The following FHDC1 variants were observed in gnomAD, a reference collection of about 807,000 sequenced individuals.
FHDC1 encodes the protein FH2 domain-containing protein 1.
Under a neutral mutation model 52.6 loss-of-function variants are expected in FHDC1, and 25 were observed. The observed-to-expected ratio is 0.48, with a 90% confidence interval of 0.35 to 0.66. FHDC1 has a LOEUF of 0.66. Among genes scored for constraint, FHDC1 ranks in the 30% least tolerant of loss-of-function variants. The pLI is 0.01. For synonymous variants in FHDC1, 616 were observed against 581.5 expected (o/e 1.06, Z -0.85); for missense variants, 1,459 against 1,452.8 (o/e 1.00, Z -0.07).
At position 152,963,010 on chromosome 4, in the gene FHDC1, T is replaced by C. The variant is rs1164497155; in HGVS notation, c.922-13T>C. ...GTATACATAATTTTTTCTTTTTGAT[T>C]TGTCTTCTTTAGGGAGGGTATGCCG... On this transcript the variant is annotated splice_polypyrimidine_tract_variant and intron_variant, in intron 7 of 11. Transcript: ENST00000511601. The C allele has an allele frequency of 6.2e-7, 1 of 1,611,204 alleles. No individual in the cohort carries two copies. The highest frequency in any genetic ancestry group is 1.3e-5 in the African/African-American group (1 of 74,770).
chr4:152,916,411 C>G, the FHDC1 span, among the ~76,000 whole-genome samples: 3 of 151,902 alleles, frequency 2.0e-5, no homozygotes, highest in African/African-American at 7.3e-5. Flanking sequence ...TACATACATT[C>G]ATATGTATTC....
the FHDC1 span, chr4:152,927,442 C>T: frequency 1.5e-5 from 12 of 798,082 alleles, no homozygotes; most frequent in South Asian, 8.0e-5. Context: ...TTGGTTGTTT[C>T]GTTATGGATG....
In FHDC1 at chr4:152,962,856, T is replaced by A; in HGVS notation, c.893T>A (p.Val298Glu). 6.2e-7 allele frequency: 1 copy of A among 1,614,062 alleles called. No homozygotes were observed. Among genetic ancestry groups the A allele is most frequent in the Non-Finnish European group, 8.5e-7 (1 of 1,179,998 alleles). The change falls in exon 7 of 12, where the codon GTG becomes GAG. Residue 298 changes from valine (V) to glutamate (E), a missense_variant. Val to Glu is a moderately radical substitution (Grantham distance 121, BLOSUM62 -2). Around this residue, in one of 3 missense-constraint regions of FHDC1, gnomAD observed 513 missense variants for 581.5 expected, o/e 0.88. Coordinates refer to ENST00000511601, the MANE Select transcript of FHDC1 (RefSeq NM_001371116.1). ...CEELHSILHL[V>E]LQAGNIMNAG... ...GAGCTACATTCAATATTACACTTGGTGCTCCAGGCTGGGAATATCATGAAT... is the reference window on the plus strand; with the variant it reads ...GAGCTACATTCAATATTACACTTGGAGCTCCAGGCTGGGAATATCATGAAT...
intron 9 of FHDC1, among the ~76,000 whole-genome samples, chr4:152,965,936 C>G (rs191005182): frequency 6.6e-6 from 1 of 152,178 alleles, no homozygotes; most frequent in African/African-American, 2.4e-5. Context: ...GTTACTGATT[C>G]TATGAATATC....
At chr4:152,968,389 G>T (rs182419247) in intron 10 of FHDC1, among the ~76,000 whole-genome samples, 1 of 151,610 alleles carries the variant, frequency 6.6e-6, no homozygotes, top group African/African-American at 2.4e-5. Flanking sequence ...ATAATGGTGC[G>T]ATCTCGGCAA....
chr4:152,966,089 A>G (rs998797550), intron 9 of FHDC1, among the ~76,000 whole-genome samples: 2 of 152,244 alleles, frequency 1.3e-5, no homozygotes, highest in Admixed American at 1.3e-4. Flanking sequence ...ACTTACTGAA[A>G]GAAATTTGTG....
chr4:152,919,191 T>G, the FHDC1 span, among the ~76,000 whole-genome samples: 2 of 152,362 alleles, frequency 1.3e-5, no homozygotes, highest in East Asian at 3.9e-4. Context: ...TGAAAATACA[T>G]TGACTACTAA....
chr4:152,937,771 A>G (rs1363403902), intron 1 of FHDC1, among the ~76,000 whole-genome samples: 1 of 152,032 alleles, frequency 6.6e-6, no homozygotes, highest in Non-Finnish European at 1.5e-5. Context: ...ATAAGGACGC[A>G]GCTGGGGCTC....
intron 2 of FHDC1, among the ~76,000 whole-genome samples, chr4:152,950,714 T>A (rs1276780295): frequency 1.3e-5 from 2 of 152,188 alleles, no homozygotes; most frequent in East Asian, 3.9e-4. Flanking sequence ...CCAGGGGACT[T>A]GGCCAGGCAC....
At chr4:152,942,291 C>T (rs1285024052) in intron 1 of FHDC1, among the ~76,000 whole-genome samples, 1 of 152,116 alleles carries the variant, frequency 6.6e-6, no homozygotes, top group African/African-American at 2.4e-5. Flanking sequence ...AAACTATAAG[C>T]AGTAAAGCTT....
intron 11 of FHDC1, among the ~76,000 whole-genome samples, chr4:152,974,146 A>C (rs541645989): frequency 6.6e-6 from 1 of 152,370 alleles, no homozygotes; most frequent in South Asian, 2.1e-4. Flanking sequence ...AATGTGCTAC[A>C]CATGAATGTG....
rs1323769930 is a variant in FHDC1 at position 152,975,805 on chromosome 4, G to C, written c.2514G>C (p.Val838=). 6.5e-7 allele frequency: 1 copy of C among 1,529,032 alleles called. No homozygotes were observed. The highest frequency in any genetic ancestry group is 1.3e-5 in the South Asian group (1 of 76,940). 94.7% of individuals were successfully genotyped at this position (1,529,032 alleles called of 1,614,324 possible). Residue 838 remains valine (V), a synonymous_variant, in exon 12 of 12, where the codon GTG becomes GTC. Transcript: ENST00000511601. ...PPGEAPAPVS[V]DSEPSCKGGL... ...GGGAGGCTCCTGCCCCCGTCTCTGTGGATAGTGAGCCCAGCTGCAAGGGCG... is the reference window on the plus strand; with the variant it reads ...GGGAGGCTCCTGCCCCCGTCTCTGTCGATAGTGAGCCCAGCTGCAAGGGCG...
chr4:152,957,577 G>T lies in FHDC1; in HGVS notation c.664-2988G>T, dbSNP rs143933488. 3.0e-3 allele frequency among the ~76,000 whole-genome samples: 458 copies of T among 152,314 alleles called. 2 individuals carry two copies. The highest frequency in any genetic ancestry group is 0.02 in the Middle Eastern group (6 of 294). ...GAAGGGCAAAGGTTGTCAAAACCCC[G>T]CCTCGCGCTGCTGGCCTGCCAGCCT... is the stretch of plus-strand genomic sequence containing the variant. On this transcript the variant is annotated intron_variant, in intron 4 of 11. Coordinates refer to ENST00000511601, the MANE Select transcript of FHDC1 (RefSeq NM_001371116.1).
At chr4:152,941,932 C>T (rs1579080542) in intron 1 of FHDC1, among the ~76,000 whole-genome samples, 1 of 152,206 alleles carries the variant, frequency 6.6e-6, no homozygotes, top group East Asian at 1.9e-4. Flanking sequence ...GTCCTTTCTA[C>T]ACCCCACTTA....
chr4:152,962,297 G>A (rs1351386097), intron 6 of FHDC1, among the ~76,000 whole-genome samples: 1 of 152,048 alleles, frequency 6.6e-6, no homozygotes, highest in Non-Finnish European at 1.5e-5. Flanking sequence ...CTGGGCCCTC[G>A]CGGTTTGTGC....
intron 2 of FHDC1, among the ~76,000 whole-genome samples, chr4:152,950,455 GCT>G (rs1443069808): frequency 1.3e-5 from 2 of 152,186 alleles, no homozygotes; most frequent in South Asian, 2.1e-4. Flanking sequence ...GAAGTGCTGG[GCT>G]CTGTTTTTCC....
chr4:152,916,141 G>GA, the FHDC1 span, among the ~76,000 whole-genome samples: 3 of 150,514 alleles, frequency 2.0e-5, no homozygotes, highest in Admixed American at 6.6e-5. Context: ...CATCACAAAA[G>GA]AAAAAAAAAA....
the FHDC1 span, among the ~76,000 whole-genome samples, chr4:152,917,895 T>C: frequency 4.6e-5 from 7 of 152,310 alleles, no homozygotes; most frequent in South Asian, 1.5e-3. Flanking sequence ...AGTTAATATT[T>C]TTCTCCAATG....
At chr4:152,969,979 A>G (rs557105994) in intron 10 of FHDC1, among the ~76,000 whole-genome samples, 13 of 152,278 alleles carry the variant, frequency 8.5e-5, no homozygotes, top group Non-Finnish European at 1.6e-4. Flanking sequence ...TTTTATCTCT[A>G]TAAGTAAAAC....
Sources: allele counts gnomAD v4.1 joint callset (sites outside exome capture counted in the v4.1 genomes callset), GRCh38; gene constraint gnomAD v4.1.1; regional missense constraint gnomAD v4.1.1; transcripts MANE v1.5; gene names NCBI Gene and HGNC (gene_info 2026-07-23, HGNC 2026-07-21).